Variants in TESMIN observed in about 807,000 individuals in gnomAD.
The protein encoded by TESMIN is CXC domain containing 2.
Under a neutral mutation model 47.4 loss-of-function variants are expected in TESMIN, and 34 were observed. That is an observed-to-expected ratio of 0.72 (90% CI 0.55 to 0.96). The LOEUF (loss-of-function observed/expected upper bound fraction) is 0.96, where lower values mean the gene tolerates loss of function less well. Ranked by LOEUF, TESMIN falls within the 40% of genes least tolerant of loss-of-function variation. The probability of loss-of-function intolerance (pLI) is 0.00; values close to 1 mark genes in which losing one functional copy is unlikely to be tolerated. For synonymous variants in TESMIN, 278 were observed against 258.9 expected, an observed-to-expected ratio of 1.07 and a Z score of -0.71; for missense variants, 610 against 637.2, an observed-to-expected ratio of 0.96 and a Z score of 0.46.
intron 6 of TESMIN, among the ~76,000 whole-genome samples, chr11:68,729,266 CTGTAA>C (rs1946299872): frequency 6.6e-6 from 1 of 152,186 alleles, no homozygotes; most frequent in Admixed American, 6.5e-5. Context: ...TGGCTCACGC[CTGTAA>C]TCCCAGTACT....
chr11:68,706,254 G>A (rs367713590), downstream of TESMIN, among the ~76,000 whole-genome samples: 45 of 152,298 alleles, frequency 3.0e-4, 1 homozygote, highest in South Asian at 9.1e-3. Context: ...GGGATTCCCT[G>A]CAAGTGGCAC....
At chr11:68,747,172 A>G (rs1421530588) in intron 3 of TESMIN, 36 bp downstream of exon 3, 6 of 1,596,126 alleles carry the variant, frequency 3.8e-6, no homozygotes, top group Non-Finnish European at 5.2e-6. Context: ...CATTTAGTAT[A>G]ATGTTAGTCC....
At chr11:68,744,064 C>T (rs1235286140) in intron 4 of TESMIN, among the ~76,000 whole-genome samples, 1 of 152,158 alleles carries the variant, frequency 6.6e-6, no homozygotes, top group East Asian at 1.9e-4. Flanking sequence ...AAGCTCCAAC[C>T]TCAGCTTCTT....
intron 6 of TESMIN, among the ~76,000 whole-genome samples, chr11:68,725,671 C>A (rs1381276617): frequency 1.3e-5 from 2 of 152,102 alleles, no homozygotes; most frequent in Non-Finnish European, 2.9e-5. Flanking sequence ...CGGGTTCTCA[C>A]TATGTTGTCC....
intron 5 of TESMIN, among the ~76,000 whole-genome samples, chr11:68,742,057 C>A (rs572744876): frequency 1.1e-4 from 17 of 152,168 alleles, no homozygotes; most frequent in Non-Finnish European, 2.9e-5. Context: ...AGTTAGCAAG[C>A]GTGGCAGAAT....
downstream of TESMIN, among the ~76,000 whole-genome samples, chr11:68,706,412 G>C (rs1378904690): frequency 6.6e-6 from 1 of 152,222 alleles, no homozygotes; most frequent in Non-Finnish European, 1.5e-5. Context: ...GCAAAGTGGG[G>C]GGCCTGTATC....
chr11:68,717,220 C>T (rs1289770296), intron 6 of TESMIN, among the ~76,000 whole-genome samples: 1 of 152,170 alleles, frequency 6.6e-6, no homozygotes, highest in African/African-American at 2.4e-5. Context: ...TAAAGAGGAT[C>T]ATTAGAGGCC....
chr11:68,745,741 C>A (rs1946512281), intron 3 of TESMIN, among the ~76,000 whole-genome samples: 1 of 152,220 alleles, frequency 6.6e-6, no homozygotes, highest in Non-Finnish European at 1.5e-5. Context: ...CTGCTTGGGC[C>A]TGAGCAGCAC....
At chr11:68,747,040 T>C (rs1488313455) in intron 3 of TESMIN, 168 bp downstream of exon 3, 1 of 650,120 alleles carries the variant, frequency 1.5e-6, no homozygotes, top group Non-Finnish European at 2.7e-6. Context: ...ATCTTAGAGG[T>C]GAGATGTGAA....
chr11:68,745,314 A>G (rs1238466098), intron 3 of TESMIN, among the ~76,000 whole-genome samples: 2 of 151,870 alleles, frequency 1.3e-5, no homozygotes, highest in African/African-American at 2.4e-5. Flanking sequence ...AAAAAAAAAA[A>G]AAAAAAGAAA....
chr11:68,732,932 C>G (rs527252054), intron 6 of TESMIN: 16 of 152,220 alleles, frequency 1.1e-4, no homozygotes, highest in Admixed American at 3.9e-4. Flanking sequence ...GGAAAAATCA[C>G]GTGAAGACTG....
intron 6 of TESMIN, among the ~76,000 whole-genome samples, chr11:68,720,235 T>C (rs1280721365): frequency 1.3e-5 from 2 of 152,238 alleles, no homozygotes; most frequent in East Asian, 3.8e-4. Context: ...TGACTGATTT[T>C]ATTAACTCTT....
chr11:68,730,437 T>G (rs910852693), intron 6 of TESMIN, among the ~76,000 whole-genome samples: 2 of 152,232 alleles, frequency 1.3e-5, no homozygotes, highest in African/African-American at 2.4e-5. Flanking sequence ...AATCAATGTT[T>G]AACATATACA....
chr11:68,750,305 G>A lies in TESMIN; in HGVS notation c.356C>T (p.Ala119Val). 1.3e-6 allele frequency: 2 copies of A among 1,523,670 alleles called. No individual in the cohort carries two copies. Among genetic ancestry groups the A allele is most frequent in the Non-Finnish European group, 1.8e-6 (2 of 1,141,752 alleles). The allele number at this position is 1,523,670 out of a possible 1,614,324, so 94.4% of individuals were successfully genotyped here. A position where few individuals can be genotyped will look rare whatever the true frequency, so the allele number is the denominator to read the frequency against. The change falls in exon 2 of 10, where the codon GCC (alanine) becomes GTC (valine). Residue 119 changes from alanine to valine, a missense_variant. By Grantham distance (64) the Ala-to-Val change is moderately conservative. Coordinates refer to ENST00000255087, the MANE Select transcript of TESMIN (RefSeq NM_004923.3). ...VALLQAPQPP[A>V]CNVHFLSSLL... ...CGAGGACAGGAAGTGCACGTTGCAG[G>A]CGGGCGGCTGCGGGGCCTGCAGGAG...
Position 68,750,442 on chromosome 11 carries a change from GGCGCCCAGC to G in TESMIN, c.210_218del (p.Leu71_Ala73del). On this transcript the variant is annotated inframe_deletion, in exon 2 of 10. Transcript: ENST00000255087. ...TCGCCTTGACCTGGCCCTTGCAGTC[GGCGCCCAGC>G]GCGGGGTTGAACGCGTGCAGGACGG... 1 of 1,572,716 alleles carries G rather than the reference GGCGCCCAGC, an allele frequency of 6.4e-7. No individual in the cohort carries two copies. Among genetic ancestry groups the G allele is most frequent in the Non-Finnish European group, 8.6e-7 (1 of 1,158,380 alleles).
At chr11:68,729,947 C>G (rs1376305750) in intron 6 of TESMIN, among the ~76,000 whole-genome samples, 1 of 152,124 alleles carries the variant, frequency 6.6e-6, no homozygotes, top group African/African-American at 2.4e-5. Flanking sequence ...AGTTGATGTG[C>G]CAAACTGCAT....
intron 3 of TESMIN, among the ~76,000 whole-genome samples, chr11:68,746,322 G>T (rs576290819): frequency 6.6e-6 from 1 of 152,196 alleles, no homozygotes; most frequent in Non-Finnish European, 1.5e-5. Flanking sequence ...TTGGGGAGTC[G>T]GAGAGTTCTC....
intron 9 of TESMIN, chr11:68,710,624 G>A (rs951781116): frequency 3.6e-5 from 16 of 448,772 alleles, no homozygotes; most frequent in South Asian, 1.7e-4. Context: ...GGTACAAAAC[G>A]GGAGTAACTC....
chr11:68,746,247 G>A (rs1003169113), intron 3 of TESMIN, among the ~76,000 whole-genome samples: 1 of 152,094 alleles, frequency 6.6e-6, no homozygotes, highest in Non-Finnish European at 1.5e-5. Context: ...ACACTCCTGG[G>A]CCCTATCCAC....
Sources: gnomAD v4.1 joint callset for allele counts (sites outside exome capture counted in the v4.1 genomes callset) on GRCh38, gnomAD v4.1.1 for gene constraint, MANE v1.5 for transcripts, NCBI Gene and HGNC (gene_info 2026-07-23, HGNC 2026-07-21) for gene names.